The following VWC2L variants were observed in gnomAD, a reference collection of about 807,000 sequenced individuals.
The protein encoded by VWC2L is von Willebrand factor C domain-containing protein 2-like.
A neutral mutation model predicts 21.6 loss-of-function variants in VWC2L; 10 were observed. The ratio of observed to expected loss-of-function variants is 0.46; its 90% CI spans 0.29 to 0.78. VWC2L has a LOEUF of 0.78. Ranked by LOEUF, VWC2L falls within the 30% of genes least tolerant of loss-of-function variation. The pLI, the probability that VWC2L is intolerant of heterozygous loss-of-function variation, is 0.10. For synonymous variants in VWC2L, 96 were observed against 94.3 expected, an observed-to-expected ratio of 1.02 and a Z score of -0.10; for missense variants, 209 against 277.1, an observed-to-expected ratio of 0.75 and a Z score of 1.74.
chr2:214,522,535 A>G (rs1689261714), intron 3 of VWC2L, among the ~76,000 whole-genome samples: 1 of 152,120 alleles, frequency 6.6e-6, no homozygotes, highest in African/African-American at 2.4e-5. Flanking sequence ...TTACAGGCAT[A>G]TGATGTGATG....
chr2:214,527,675 G>C (rs1303684704), intron 3 of VWC2L, among the ~76,000 whole-genome samples: 1 of 152,168 alleles, frequency 6.6e-6, no homozygotes, highest in Non-Finnish European at 1.5e-5. Context: ...TGGTAAAGGA[G>C]ATGTCTTTCC....
At chr2:214,522,820 T>C (rs1469147420) in intron 3 of VWC2L, among the ~76,000 whole-genome samples, 1 of 152,178 alleles carries the variant, frequency 6.6e-6, no homozygotes, top group Non-Finnish European at 1.5e-5. Flanking sequence ...TTGTTTTTGT[T>C]TTGGCTTTTA....
At chr2:214,454,317 A>G (rs1243326365) in intron 3 of VWC2L, among the ~76,000 whole-genome samples, 1 of 152,198 alleles carries the variant, frequency 6.6e-6, no homozygotes, top group African/African-American at 2.4e-5. Context: ...AACGTTGAAT[A>G]GAGATGGTAA....
chr2:214,567,595 C>CACACACAG (rs1553602423), intron 3 of VWC2L, among the ~76,000 whole-genome samples: 190 of 135,348 alleles, frequency 1.4e-3, no homozygotes, highest in African/African-American at 5.5e-3. Context: ...CACACACACA[C>CACACACAG]AGAGAGAGAG....
chr2:214,426,883 T>G (rs1171626974), intron 2 of VWC2L, among the ~76,000 whole-genome samples: 1 of 152,208 alleles, frequency 6.6e-6, no homozygotes, highest in East Asian at 1.9e-4. Flanking sequence ...TGTGGCACAT[T>G]GCTAACATGA....
intron 3 of VWC2L, among the ~76,000 whole-genome samples, chr2:214,454,033 T>C (rs951202636): frequency 2.6e-5 from 4 of 152,224 alleles, no homozygotes; most frequent in African/African-American, 9.6e-5. Flanking sequence ...TTAAATACTC[T>C]TGTAGTTAGT....
chr2:214,465,879 C>A (rs189929888), intron 3 of VWC2L, among the ~76,000 whole-genome samples: 1 of 152,250 alleles, frequency 6.6e-6, no homozygotes, highest in Admixed American at 6.5e-5. Context: ...CATCTGAATT[C>A]TTCCCTATGT....
rs1690237161 is a variant in VWC2L, at chr2:214,576,818, G to C, written c.*998G>C. 6.6e-6 allele frequency: 1 copy of C among 151,762 alleles called. No homozygotes were observed. The highest frequency in any genetic ancestry group is 2.4e-5 in the African/African-American group (1 of 41,048). 9.4% of individuals were successfully genotyped at this position (151,762 alleles called of 1,614,324 possible). On this transcript the variant is annotated 3_prime_UTR_variant, in exon 4 of 4. Transcript: ENST00000312504. ...CTGGCAGTTTTTGTGGTTCGGGACT[G>C]TGTTTGCCATGTTGTAGTAACAACC...
chr2:214,489,116 G>A (rs1688712500), intron 3 of VWC2L, among the ~76,000 whole-genome samples: 1 of 152,118 alleles, frequency 6.6e-6, no homozygotes, highest in Non-Finnish European at 1.5e-5. Flanking sequence ...TTAACCAGAG[G>A]CCTGTTTTGG....
intron 3 of VWC2L, among the ~76,000 whole-genome samples, chr2:214,488,032 C>T (rs1253447779): frequency 6.6e-6 from 1 of 152,146 alleles, no homozygotes; most frequent in Non-Finnish European, 1.5e-5. Flanking sequence ...TACTCCTACT[C>T]CAGGGACTCA....
rs1553586388 is a variant in VWC2L, at chr2:214,451,308, T to TGC, written c.520+14551_520+14552insCG. 1.2e-3 allele frequency among the ~76,000 whole-genome samples: 134 copies of TGC among 112,100 alleles called. 1 individual carries two copies. Among genetic ancestry groups the TGC allele is most frequent in the African/African-American group, 3.8e-3 (129 of 33,654 alleles). The allele number at this position is 112,100 out of a possible 152,430, so 73.5% of individuals were successfully genotyped here. A position where few individuals can be genotyped will look rare whatever the true frequency, so the allele number is the denominator to read the frequency against. Reference sequence around the variant, plus strand: ...CTAAGGAAGGATAAGTGGGTCGGTGTGGGGGGGGGGGGCAGTAAAAGCTGA... The same window carrying TGC: ...CTAAGGAAGGATAAGTGGGTCGGTGTGCGGGGGGGGGGGGCAGTAAAAGCTGA... On this transcript the variant is annotated intron_variant, in intron 3 of 3. Coordinates refer to ENST00000312504, the MANE Select transcript of VWC2L (RefSeq NM_001080500.4).
intron 3 of VWC2L, among the ~76,000 whole-genome samples, chr2:214,500,016 C>T (rs142025298): frequency 1.3e-5 from 2 of 152,148 alleles, no homozygotes; most frequent in East Asian, 1.9e-4. Context: ...GAAACCCCAG[C>T]GAAGGAAGGG....
intron 3 of VWC2L, among the ~76,000 whole-genome samples, chr2:214,457,052 C>T (rs1450030337): frequency 6.6e-6 from 1 of 152,008 alleles, no homozygotes; most frequent in African/African-American, 2.4e-5. Flanking sequence ...AGTATTCAGA[C>T]TCCTTTTTTA....
intron 3 of VWC2L, among the ~76,000 whole-genome samples, chr2:214,566,071 A>G (rs1369029748): frequency 2.6e-5 from 4 of 152,198 alleles, no homozygotes; most frequent in Non-Finnish European, 5.9e-5. Context: ...CAGTGATTTG[A>G]AAATCATTAA....
chr2:214,448,694 C>G (rs1391568117), intron 3 of VWC2L, among the ~76,000 whole-genome samples: 1 of 152,034 alleles, frequency 6.6e-6, no homozygotes, highest in Non-Finnish European at 1.5e-5. Flanking sequence ...TATACATTAC[C>G]CAGTATCATT....
At chr2:214,451,250 C>T (rs2126184688) in intron 3 of VWC2L, among the ~76,000 whole-genome samples, 1 of 145,022 alleles carries the variant, frequency 6.9e-6, no homozygotes, top group South Asian at 2.2e-4. Context: ...TTTTTAGGTG[C>T]TAATATTAAG....
chr2:214,432,669 C>T (rs548179456), intron 2 of VWC2L, among the ~76,000 whole-genome samples: 1 of 152,266 alleles, frequency 6.6e-6, no homozygotes, highest in Non-Finnish European at 1.5e-5. Flanking sequence ...CTGTGTATAG[C>T]AGGAAACCCC....
At chr2:214,544,639 C>T (rs1030254576) in intron 3 of VWC2L, among the ~76,000 whole-genome samples, 2 of 152,100 alleles carry the variant, frequency 1.3e-5, no homozygotes, top group South Asian at 2.1e-4. Context: ...GAATGGCACA[C>T]AGGTTTTGAA....
chr2:214,446,449 A>G (rs1702839426), intron 3 of VWC2L, among the ~76,000 whole-genome samples: 1 of 152,216 alleles, frequency 6.6e-6, no homozygotes, highest in Admixed American at 6.5e-5. Flanking sequence ...TCTTATACCA[A>G]CAGGATTCCC....
Sources: gnomAD v4.1 joint callset for allele counts (sites outside exome capture counted in the v4.1 genomes callset) on GRCh38, gnomAD v4.1.1 for gene constraint, MANE v1.5 for transcripts, NCBI Gene and HGNC (gene_info 2026-07-23, HGNC 2026-07-21) for gene names.